PLEKHG1: variants seen among roughly 807,000 people sequenced by gnomAD.
PLEKHG1 encodes the protein pleckstrin homology and RhoGEF domain containing G1.
A neutral mutation model predicts 100.8 loss-of-function variants in PLEKHG1; 44 were observed. The ratio of observed to expected loss-of-function variants is 0.44; its 90% CI spans 0.34 to 0.56. The LOEUF is 0.56. Among genes scored for constraint, PLEKHG1 ranks in the 20% least tolerant of loss-of-function variants. The probability of loss-of-function intolerance (pLI) is 0.01; values close to 1 mark genes in which losing one functional copy is unlikely to be tolerated. For synonymous variants in PLEKHG1, 640 were observed against 662.5 expected, an observed-to-expected ratio of 0.97 and a Z score of 0.52; for missense variants, 1,545 against 1,720.9, an observed-to-expected ratio of 0.90 and a Z score of 1.81.
intron 3 of PLEKHG1, among the ~76,000 whole-genome samples, chr6:150,710,800 T>G (rs141050432): frequency 1.2e-4 from 18 of 152,278 alleles, no homozygotes; most frequent in African/African-American, 4.3e-4. Context: ...TTTGGCTGGT[T>G]TCCCCTGGTT....
At chr6:150,750,096 G>T (rs1264730672) in intron 2 of PLEKHG1, among the ~76,000 whole-genome samples, 3 of 147,538 alleles carry the variant, frequency 2.0e-5, no homozygotes, top group Non-Finnish European at 4.4e-5. Context: ...ATATCTACTA[G>T]AAGAACATTT....
In PLEKHG1 at chr6:150,649,133, A is replaced by G. The variant is rs546921565; in HGVS notation, c.-157-1595A>G. ...ACATTTAATTTCTTTATTCTCTTCA[A>G]TGAAAAAGTACTCGTGTTACAAATG... On this transcript the variant is annotated intron_variant, in intron 2 of 3. Coordinates refer to the PLEKHG1 transcript ENST00000367326. Among the ~76,000 whole-genome samples the G allele has an allele frequency of 1.9e-4, 29 of 152,246 alleles. No individual in the cohort carries two copies. In the South Asian group the frequency reaches 5.6e-3, roughly 29 times the overall value.
At chr6:150,646,816 T>A (rs1778522697) in intron 2 of PLEKHG1, among the ~76,000 whole-genome samples, 1 of 152,176 alleles carries the variant, frequency 6.6e-6, no homozygotes, top group South Asian at 2.1e-4. Flanking sequence ...TCAAAAATAT[T>A]CCCTTTCTTT....
At chr6:150,793,049 A>G (rs1041470469) in intron 4 of PLEKHG1, among the ~76,000 whole-genome samples, 1 of 152,234 alleles carries the variant, frequency 6.6e-6, no homozygotes, top group African/African-American at 2.4e-5. Context: ...GTGATATTAA[A>G]ACACCAAATT....
rs1217547937 is a variant in PLEKHG1, at chr6:150,738,264, G to A, written c.411+4172G>A. Among the ~76,000 whole-genome samples, 3 of 152,120 alleles carry A rather than the reference G, an allele frequency of 2.0e-5. No homozygotes were observed. In the East Asian group the frequency reaches 5.8e-4, roughly 29 times the overall value. ...CCCAACTTAATTACCCCCATTAGTAGTACATTTTATCTGCATGCCGTATAG... is the reference window on the plus strand; with the variant it reads ...CCCAACTTAATTACCCCCATTAGTAATACATTTTATCTGCATGCCGTATAG... On this transcript the variant is annotated intron_variant, in intron 2 of 15. Transcript: ENST00000358517.
intron 2 of PLEKHG1, among the ~76,000 whole-genome samples, chr6:150,748,470 C>A (rs1783289326): frequency 6.6e-6 from 1 of 152,122 alleles, no homozygotes. Flanking sequence ...CACTGTCTGA[C>A]ACTTAATAGG....
At chr6:150,779,344 G>GTTT (rs71554482) in intron 3 of PLEKHG1, among the ~76,000 whole-genome samples, 15 of 104,528 alleles carry the variant, frequency 1.4e-4, no homozygotes, top group Non-Finnish European at 1.5e-4. Context: ...TTGTCAAGAA[G>GTTT]TTTTTTTTTT....
intron 1 of PLEKHG1, among the ~76,000 whole-genome samples, chr6:150,728,489 T>A (rs963643487): frequency 6.6e-6 from 1 of 151,828 alleles, no homozygotes; most frequent in Non-Finnish European, 1.5e-5. Flanking sequence ...TTTGGGAGGC[T>A]GAGGTGGGAG....
chr6:150,609,820 T>G (rs1446213348), intron 1 of PLEKHG1, among the ~76,000 whole-genome samples: 1 of 152,158 alleles, frequency 6.6e-6, no homozygotes, highest in Non-Finnish European at 1.5e-5. Flanking sequence ...AGAACTGGCA[T>G]GTCGGCCAAG....
At chr6:150,735,959 G>C (rs539535507) in intron 2 of PLEKHG1, among the ~76,000 whole-genome samples, 1 of 152,340 alleles carries the variant, frequency 6.6e-6, no homozygotes, top group African/African-American at 2.4e-5. Flanking sequence ...TTCAATGTAA[G>C]TTCTATGTGA....
At chr6:150,777,189 G>T (rs561149850) in intron 3 of PLEKHG1, among the ~76,000 whole-genome samples, 1 of 149,876 alleles carries the variant, frequency 6.7e-6, no homozygotes, top group South Asian at 2.1e-4. Flanking sequence ...ATGTGCGGTT[G>T]CACATCAGCC....
chr6:150,772,596 G>A (rs1784763543), intron 3 of PLEKHG1, among the ~76,000 whole-genome samples: 1 of 152,208 alleles, frequency 6.6e-6, no homozygotes, highest in Admixed American at 6.5e-5. Flanking sequence ...TCCAGCCTGG[G>A]CAACAGAGTG....
At chr6:150,701,464 T>A (rs1490778690) in intron 3 of PLEKHG1, among the ~76,000 whole-genome samples, 93 of 85,814 alleles carry the variant, frequency 1.1e-3, no homozygotes, top group African/African-American at 0.01. Context: ...TATATATATA[T>A]ATAATTATAC....
At chr6:150,684,988 C>T (rs551291601) in intron 3 of PLEKHG1, among the ~76,000 whole-genome samples, 1 of 152,136 alleles carries the variant, frequency 6.6e-6, no homozygotes, top group Non-Finnish European at 1.5e-5. Flanking sequence ...GATAGAGGCT[C>T]TCTTCAACTC....
intron 1 of PLEKHG1, among the ~76,000 whole-genome samples, chr6:150,616,631 A>G (rs1426198356): frequency 6.6e-6 from 1 of 152,264 alleles, no homozygotes; most frequent in African/African-American, 2.4e-5. Context: ...GGCATTTCCA[A>G]TGAAGATTTC....
chr6:150,784,078 A>C (rs1785472328), intron 3 of PLEKHG1, among the ~76,000 whole-genome samples: 1 of 152,206 alleles, frequency 6.6e-6, no homozygotes, highest in Non-Finnish European at 1.5e-5. Context: ...ATAATGTCTC[A>C]GTATTTTTAT....
At chr6:150,650,573 T>C (rs1778690092) in intron 2 of PLEKHG1, among the ~76,000 whole-genome samples, 155 bp from the exon 2 acceptor site, 1 of 152,274 alleles carries the variant, frequency 6.6e-6, no homozygotes, top group African/African-American at 2.4e-5. Flanking sequence ...TAGCATGATA[T>C]GGCCTTTTCC....
chr6:150,696,404 C>G (rs1456302360), intron 3 of PLEKHG1, among the ~76,000 whole-genome samples: 1 of 152,168 alleles, frequency 6.6e-6, no homozygotes, highest in Non-Finnish European at 1.5e-5. Flanking sequence ...CTGCAGTTTT[C>G]CATTTGAAAT....
chr6:150,786,098 A>G (rs921855009), intron 3 of PLEKHG1, among the ~76,000 whole-genome samples: 1 of 151,910 alleles, frequency 6.6e-6, no homozygotes, highest in African/African-American at 2.4e-5. Flanking sequence ...CTGAATGAGC[A>G]TGGGTGAGCA....
Sources: gnomAD v4.1 joint callset for allele counts (sites outside exome capture counted in the v4.1 genomes callset) on GRCh38, gnomAD v4.1.1 for gene constraint, MANE v1.5 for transcripts, NCBI Gene and HGNC (gene_info 2026-07-23, HGNC 2026-07-21) for gene names.